The following SNX14 variants were observed in gnomAD, a reference collection of about 807,000 sequenced individuals.
SNX14 encodes sorting nexin-14.
A neutral mutation model predicts 133.8 loss-of-function variants in SNX14; 93 were observed. That is an observed-to-expected ratio of 0.70 (90% CI 0.59 to 0.83). The LOEUF is 0.83. Among genes scored for constraint, SNX14 ranks in the 40% least tolerant of loss-of-function variants. The pLI is 0.00. For synonymous variants in SNX14, 368 were observed against 365.6 expected, an observed-to-expected ratio of 1.01 and a Z score of -0.07; for missense variants, 945 against 1,094.9, an observed-to-expected ratio of 0.86 and a Z score of 1.93.
intron 23 of SNX14, among the ~76,000 whole-genome samples, chr6:85,517,185 A>T (rs1035329839): frequency 6.6e-6 from 1 of 152,174 alleles, no homozygotes. Flanking sequence ...ATAAAATGAA[A>T]ACATTAATAA....
rs113870700 is a variant in SNX14 at position 85,532,593 on chromosome 6, A to C, written c.1810+1006T>G. ...CACTTTTTTTCCTTCTTTCCTCATA[A>C]CTCCCTCTTCCTGAGCTCAACTTTA... On this transcript the variant is annotated intron_variant, in intron 18 of 28. Transcript: ENST00000314673. Among the ~76,000 whole-genome samples the C allele has an allele frequency of 2.9e-3, 439 of 151,670 alleles. 5 individuals carry two copies. Among genetic ancestry groups the C allele is most frequent in the African/African-American group, 0.01 (414 of 41,294 alleles).
intron 6 of SNX14, among the ~76,000 whole-genome samples, chr6:85,562,047 T>C (rs747698394): frequency 3.3e-5 from 5 of 152,220 alleles, no homozygotes; most frequent in Non-Finnish European, 7.3e-5. Context: ...TCCTTCTTTA[T>C]GTCCACGTGT....
intron 4 of SNX14, among the ~76,000 whole-genome samples, chr6:85,569,985 T>C (rs1449008517): frequency 1.3e-5 from 2 of 152,228 alleles, no homozygotes; most frequent in Non-Finnish European, 2.9e-5. Flanking sequence ...TGAAATACCC[T>C]TTCCCACACT....
At chr6:85,586,843 C>T (rs996695268) in intron 1 of SNX14, among the ~76,000 whole-genome samples, 1 of 152,026 alleles carries the variant, frequency 6.6e-6, no homozygotes, top group Non-Finnish European at 1.5e-5. Flanking sequence ...TTGAGACCAG[C>T]CTGGCCAACA....
chr6:85,547,906 A>G (rs1164124754), intron 9 of SNX14, among the ~76,000 whole-genome samples: 1 of 152,240 alleles, frequency 6.6e-6, no homozygotes, highest in African/African-American at 2.4e-5. Context: ...ATGAAATATT[A>G]CTCAGCCTTG....
At position 85,572,347 on chromosome 6, in the gene SNX14, G is replaced by A. The variant is rs776570536; in HGVS notation, c.289C>T (p.Gln97Ter). The A allele has an allele frequency of 1.2e-6, 2 of 1,613,374 alleles. No homozygotes were observed. The highest frequency in any genetic ancestry group is 1.1e-5 in the South Asian group (1 of 90,834). The change falls in exon 3 of 29, where the codon CAA (glutamine) becomes TAA (stop). Residue 97 changes from glutamine (Q) to a stop codon, truncating the protein, a stop_gained. Transcript: ENST00000314673. LOFTEE classifies it high-confidence loss of function. ...KQLGLQELFP[Q>*]GHSCAVCGKV... ...CCACAAACAGCACAGCTATGACCTT[G>A]AGGAAATAATTCCTGAAGTCCTAAC...
chr6:85,545,500 T>A (rs978888921), intron 12 of SNX14, among the ~76,000 whole-genome samples: 2 of 151,780 alleles, frequency 1.3e-5, no homozygotes, highest in African/African-American at 4.8e-5. Flanking sequence ...TATATTAACA[T>A]CAGACAAAGC....
At chr6:85,568,003 A>G (rs1174872957) in intron 4 of SNX14, 1 of 152,506 alleles carries the variant, frequency 6.6e-6, no homozygotes, top group Non-Finnish European at 1.5e-5. Flanking sequence ...AAAACAAATA[A>G]CGACAGTAAT....
chr6:85,537,961 A>G (rs1233296369), intron 16 of SNX14, among the ~76,000 whole-genome samples: 1 of 152,184 alleles, frequency 6.6e-6, no homozygotes, highest in African/African-American at 2.4e-5. Flanking sequence ...AGTCACGTTC[A>G]CTATGTAATA....
intron 21 of SNX14, among the ~76,000 whole-genome samples, chr6:85,524,406 C>G (rs188495560): frequency 7.2e-5 from 11 of 152,074 alleles, no homozygotes; most frequent in African/African-American, 2.7e-4. Flanking sequence ...ATAATGAATG[C>G]CAAAGGCAAA....
At chr6:85,593,002 A>C (rs1803370579) in intron 1 of SNX14, among the ~76,000 whole-genome samples, 2 of 152,356 alleles carry the variant, frequency 1.3e-5, no homozygotes, top group African/African-American at 4.8e-5. Flanking sequence ...TGACAGAGCG[A>C]GACTCCGTCT....
chr6:85,567,581 C>T lies in SNX14; in HGVS notation c.418-4G>A. The stretch of plus-strand genomic sequence containing the variant: ...TTTCCAACACTAATTCAAGAACCTG[C>T]ATAAACAATTATTTTTTAAAGAAAA... On this transcript the variant is annotated splice_region_variant and splice_polypyrimidine_tract_variant and intron_variant, in intron 4 of 28. Coordinates refer to ENST00000314673, the MANE Select transcript of SNX14 (RefSeq NM_153816.6). 6.7e-7 allele frequency: 1 copy of T among 1,502,464 alleles called. No homozygotes were observed. The highest frequency in any genetic ancestry group is 8.8e-7 in the Non-Finnish European group (1 of 1,130,440). The allele number at this position is 1,502,464 out of a possible 1,614,324, so 93.1% of individuals were successfully genotyped here.
Position 85,533,540 on chromosome 6 carries a change from G to A in SNX14, c.1810+59C>T. 3 of 1,516,968 alleles carry A rather than the reference G, an allele frequency of 2.0e-6. No homozygotes were observed. The Admixed American group carries it at 5.5e-5, about 28-fold the overall frequency. 94.0% of individuals were successfully genotyped at this position (1,516,968 alleles called of 1,614,324 possible). On this transcript the variant is annotated intron_variant, in intron 18 of 28. Coordinates refer to ENST00000314673, the MANE Select transcript of SNX14 (RefSeq NM_153816.6). The stretch of plus-strand genomic sequence containing the variant: ...AAGTGGCAAAATGTTTATCATACCT[G>A]ATAACAACAGACTCATTCATGGGCA...
At chr6:85,551,345 C>G (rs1787768899) in intron 7 of SNX14, among the ~76,000 whole-genome samples, 1 of 152,178 alleles carries the variant, frequency 6.6e-6, no homozygotes, top group Non-Finnish European at 1.5e-5. Context: ...CCAAGATGAA[C>G]TGTGGCTGGA....
intron 15 of SNX14, among the ~76,000 whole-genome samples, chr6:85,541,292 C>A (rs949293388): frequency 1.3e-5 from 2 of 152,182 alleles, no homozygotes; most frequent in Non-Finnish European, 2.9e-5. Context: ...CGTGCCCGGC[C>A]ATTAACATTC....
chr6:85,514,374 C>G lies in SNX14; in HGVS notation c.2392+132G>C, dbSNP rs1037724433. 3 of 1,416,788 alleles carry G rather than the reference C, an allele frequency of 2.1e-6. No individual in the cohort carries two copies. In the East Asian group the frequency reaches 6.9e-5, roughly 32 times the overall value. 87.8% of individuals were successfully genotyped at this position (1,416,788 alleles called of 1,614,324 possible). ...CAACTTTAATATGATCAAGGCCAAT[C>G]GTATTGAATTATTATAAAAGGTATC... is the stretch of plus-strand genomic sequence containing the variant. On this transcript the variant is annotated intron_variant, in intron 24 of 28. Transcript: ENST00000314673.
chr6:85,547,056 C>T, intron 12 of SNX14, 56 bp downstream of exon 12: 2 of 1,237,282 alleles, frequency 1.6e-6, no homozygotes, highest in Non-Finnish European at 2.3e-6. Context: ...TTAAAATATT[C>T]AAATACATTA....
intron 7 of SNX14, 28 bp from the exon 8 acceptor site, chr6:85,549,907 A>G: frequency 6.4e-7 from 1 of 1,568,998 alleles, no homozygotes; most frequent in Non-Finnish European, 8.7e-7. Context: ...AAATATTGAA[A>G]CAAGTTAAGT....
At chr6:85,553,806 G>A (rs1048734445) in intron 7 of SNX14, among the ~76,000 whole-genome samples, 4 of 150,720 alleles carry the variant, frequency 2.7e-5, no homozygotes, top group Admixed American at 1.3e-4. Context: ...AAAAGAATCT[G>A]TATCAGTAAA....
Sources: allele counts gnomAD v4.1 joint callset (sites outside exome capture counted in the v4.1 genomes callset), GRCh38; gene constraint gnomAD v4.1.1; transcripts MANE v1.5; gene names NCBI Gene and HGNC (gene_info 2026-07-23, HGNC 2026-07-21).